The following BTBD8 variants were observed in gnomAD, a reference collection of about 807,000 sequenced individuals.
BTBD8 encodes the protein BTB/POZ domain-containing protein 8.
BTBD8 carries 110 observed loss-of-function variants against 162.9 expected under a neutral mutation model. That is an observed-to-expected ratio of 0.68 (90% CI 0.58 to 0.79). The LOEUF (loss-of-function observed/expected upper bound fraction) is 0.79, where lower values mean the gene tolerates loss of function less well. Among genes scored for constraint, BTBD8 ranks in the 30% least tolerant of loss-of-function variants. BTBD8 has a pLI of 0.00. For synonymous variants in BTBD8, 667 were observed against 716.1 expected, an observed-to-expected ratio of 0.93 and a Z score of 1.10; for missense variants, 1,905 against 2,085.4, an observed-to-expected ratio of 0.91 and a Z score of 1.68.
intron 10 of BTBD8, among the ~76,000 whole-genome samples, chr1:92,167,522 T>C (rs1008624659): frequency 2.0e-5 from 3 of 152,386 alleles, no homozygotes; most frequent in African/African-American, 7.2e-5. Context: ...ATTCACAGAA[T>C]AACTCCTATT....
In BTBD8 at chr1:92,147,722, G is replaced by C; in HGVS notation, c.1058G>C (p.Arg353Thr). The C allele has an allele frequency of 6.2e-7, 1 of 1,613,532 alleles. No individual in the cohort carries two copies. The highest frequency in any genetic ancestry group is 8.5e-7 in the Non-Finnish European group (1 of 1,179,844). Residue 353 changes from arginine to threonine, a missense_variant, in exon 9 of 18, where the codon AGA (arginine) becomes ACA (threonine). By Grantham distance (71) the Arg-to-Thr change is moderately conservative. Transcript: ENST00000636805. Reference sequence around the variant, plus strand: ...CATTTTGCAAGGTTTTGGTCTGAGAGAAGCTTTGCAAATATACCTCCTGAG... The same window carrying C: ...CATTTTGCAAGGTTTTGGTCTGAGACAAGCTTTGCAAATATACCTCCTGAG... ...VKHFARFWSE[R>T]SFANIPPEIQ...
intron 7 of BTBD8, among the ~76,000 whole-genome samples, chr1:92,144,798 C>CAA (rs58803678): frequency 3.7e-5 from 4 of 109,514 alleles, no homozygotes; most frequent in African/African-American, 1.5e-4. Context: ...GTGACAGAGC[C>CAA]AAAAAAAAAA....
chr1:92,129,814 A>C (rs139402007), intron 5 of BTBD8, 38 bp downstream of exon 5: 1 of 1,503,404 alleles, frequency 6.7e-7, no homozygotes, highest in East Asian at 2.3e-5. Flanking sequence ...ACTGCAAATG[A>C]TTGTAAATTG....
chr1:92,084,031 G>C (rs1316905553), intron 1 of BTBD8, among the ~76,000 whole-genome samples: 1 of 152,172 alleles, frequency 6.6e-6, no homozygotes, highest in East Asian at 1.9e-4. Context: ...AGTTTGACTA[G>C]CAGATTGGTA....
At chr1:92,149,945 T>G (rs1013901270) in intron 9 of BTBD8, among the ~76,000 whole-genome samples, 1 of 152,152 alleles carries the variant, frequency 6.6e-6, no homozygotes, top group Non-Finnish European at 1.5e-5. Flanking sequence ...TCCCCAACAT[T>G]ACGTCCATCT....
At position 92,184,160 on chromosome 1, in the gene BTBD8, C is replaced by T. The variant is rs779976572; in HGVS notation, c.5209C>T (p.Arg1737Ter). The part of the protein sequence containing the change: ...YLINQTLLLA[R>*]DSSKPQGITH... ...AATCAATCAGACACTACTTTTAGCA[C>T]GAGATAGCTCAAAACCTCAGGGTAT... is the stretch of plus-strand genomic sequence containing the variant. The change falls in exon 18 of 18, where the codon CGA becomes TGA. Residue 1737 changes from arginine (R) to a stop codon, truncating the protein, a stop_gained. Coordinates refer to ENST00000636805, the MANE Select transcript of BTBD8 (RefSeq NM_001376131.1). LOFTEE classifies it high-confidence loss of function. 44 of 1,551,444 alleles carry T rather than the reference C, an allele frequency of 2.8e-5. No individual in the cohort carries two copies. Among genetic ancestry groups the T allele is most frequent in the South Asian group, 1.1e-4 (9 of 84,068 alleles).
rs202046423 is a variant in BTBD8, at chr1:92,181,693, C to T, written c.4010C>T (p.Thr1337Met). The T allele has an allele frequency of 1.4e-3, 2,168 of 1,551,484 alleles. 4 individuals are homozygous for T. The highest frequency in any genetic ancestry group is 2.9e-3 in the Admixed American group (148 of 50,982). ...AATGATCTTTTCCAAGTTAATTCAACGAGTGATGATGAAATCCCTAGGAAA... is the reference window on the plus strand; with the variant it reads ...AATGATCTTTTCCAAGTTAATTCAATGAGTGATGATGAAATCCCTAGGAAA... ...SNNDLFQVNS[T>M]SDDEIPRKRP... Residue 1337 changes from threonine (T) to methionine (M), a missense_variant, in exon 17 of 18, where the codon ACG (threonine) becomes ATG (methionine). Thr to Met is a moderately conservative substitution (Grantham distance 81). This residue lies in a region of BTBD8 where 517 missense variants were observed against 606.6 expected (regional missense o/e 0.85). Coordinates refer to ENST00000636805, the MANE Select transcript of BTBD8 (RefSeq NM_001376131.1).
At chr1:92,174,700 T>C (rs760483040) in intron 13 of BTBD8, among the ~76,000 whole-genome samples, 1 of 152,120 alleles carries the variant, frequency 6.6e-6, no homozygotes, top group Non-Finnish European at 1.5e-5. Flanking sequence ...TTTTAAATGT[T>C]AGAATCCTAG....
At chr1:92,137,847 A>G (rs1316180561) in intron 5 of BTBD8, among the ~76,000 whole-genome samples, 1 of 152,228 alleles carries the variant, frequency 6.6e-6, no homozygotes, top group African/African-American at 2.4e-5. Context: ...TCAAAATAAA[A>G]TATAGAGACA....
At chr1:92,123,594 T>A (rs751246010) in intron 4 of BTBD8, among the ~76,000 whole-genome samples, 4 of 151,964 alleles carry the variant, frequency 2.6e-5, no homozygotes, top group Non-Finnish European at 4.4e-5. Context: ...TTGATACTAG[T>A]GTAAATGGAA....
At chr1:92,145,690 A>G (rs1263295450) in intron 7 of BTBD8, among the ~76,000 whole-genome samples, 1 of 152,180 alleles carries the variant, frequency 6.6e-6, no homozygotes, top group Non-Finnish European at 1.5e-5. Context: ...TTTAAAAAAT[A>G]CCTTACGTAG....
intron 5 of BTBD8, among the ~76,000 whole-genome samples, chr1:92,135,380 T>C (rs1468850269): frequency 4.6e-5 from 7 of 152,242 alleles, no homozygotes; most frequent in Non-Finnish European, 1.0e-4. Flanking sequence ...AGACAGGTTT[T>C]CACCATGTTG....
At chr1:92,119,663 G>C (rs1200269654) in intron 4 of BTBD8, among the ~76,000 whole-genome samples, 2 of 140,438 alleles carry the variant, frequency 1.4e-5, no homozygotes, top group African/African-American at 5.3e-5. Flanking sequence ...GTCTCGCTCT[G>C]TTGCCCAGGC....
At chr1:92,094,476 C>T (rs1287316781) in intron 2 of BTBD8, among the ~76,000 whole-genome samples, 1 of 152,142 alleles carries the variant, frequency 6.6e-6, no homozygotes, top group Non-Finnish European at 1.5e-5. Context: ...AAATTCAGTC[C>T]TTGTAAGTCT....
At position 92,181,054 on chromosome 1, in the gene BTBD8, G is replaced by A. The variant is rs1270885951; in HGVS notation, c.3371G>A (p.Arg1124Lys). Residue 1124 changes from arginine to lysine, a missense_variant, in exon 17 of 18, where the codon AGG becomes AAG. Around this residue, in one of 3 missense-constraint regions of BTBD8, gnomAD observed 1,374 missense variants for 1,442.7 expected, o/e 0.95. Transcript: ENST00000636805. ...SAGQIHLISD[R>K]ENQVGRKDTN... ...GGGCAAATCCATTTGATATCAGATA[G>A]GGAGAACCAAGTAGGGAGAAAAGAT... is the stretch of plus-strand genomic sequence containing the variant. The A allele has an allele frequency of 6.4e-7, 1 of 1,551,772 alleles. No homozygotes were observed. Among genetic ancestry groups the A allele is most frequent in the Non-Finnish European group, 8.7e-7 (1 of 1,147,004 alleles).
chr1:92,123,810 A>G (rs1298282513), intron 4 of BTBD8, among the ~76,000 whole-genome samples: 1 of 151,406 alleles, frequency 6.6e-6, no homozygotes, highest in Non-Finnish European at 1.5e-5. Flanking sequence ...AATTTGTAGA[A>G]ATAATTTGAC....
chr1:92,093,492 G>A (rs192282470), intron 2 of BTBD8, among the ~76,000 whole-genome samples: 1 of 152,130 alleles, frequency 6.6e-6, no homozygotes, highest in African/African-American at 2.4e-5. Flanking sequence ...GCACCCAGCC[G>A]AAATACCAAT....
At chr1:92,092,452 A>G (rs1168682028) in intron 2 of BTBD8, among the ~76,000 whole-genome samples, 4 of 151,734 alleles carry the variant, frequency 2.6e-5, no homozygotes, top group South Asian at 4.2e-4. Flanking sequence ...TACTTACTCT[A>G]TCCCTGCCAT....
intron 7 of BTBD8, among the ~76,000 whole-genome samples, chr1:92,143,462 C>A: frequency 1.3e-5 from 2 of 151,866 alleles, no homozygotes; most frequent in East Asian, 3.9e-4. Context: ...ATTATCAGTA[C>A]GGTATTTTGT....
Sources: gnomAD v4.1 joint callset for allele counts (sites outside exome capture counted in the v4.1 genomes callset) on GRCh38, gnomAD v4.1.1 for gene constraint, gnomAD v4.1.1 regional missense constraint, MANE v1.5 for transcripts, NCBI Gene and HGNC (gene_info 2026-07-23, HGNC 2026-07-21) for gene names.